Variants in LPO observed in about 807,000 individuals in gnomAD.
The protein encoded by LPO is lactoperoxidase, also known as salivary peroxidase.
A neutral mutation model predicts 68.4 loss-of-function variants in LPO; 70 were observed. That is an observed-to-expected ratio of 1.02 (90% confidence interval 0.84 to 1.25). LPO has a LOEUF of 1.25. LPO is among the 50% of genes most tolerant of loss of function. The pLI, the probability that LPO is intolerant of heterozygous loss-of-function variation, is 0.00. For synonymous variants in LPO, 360 were observed against 357.6 expected, an observed-to-expected ratio of 1.01 and a Z score of -0.08; for missense variants, 873 against 908.4, an observed-to-expected ratio of 0.96 and a Z score of 0.50.
chr17:58,268,439 G>A lies in LPO; in HGVS notation c.*445G>A, dbSNP rs1970318790. 1 of 171,640 alleles carries A rather than the reference G, an allele frequency of 5.8e-6. No homozygotes were observed. The highest frequency in any genetic ancestry group is 1.2e-5 in the Non-Finnish European group (1 of 80,152). The allele number at this position is 171,640 out of a possible 1,614,324, so 10.6% of individuals were successfully genotyped here. A position where few individuals can be genotyped will look rare whatever the true frequency, so the allele number is the denominator to read the frequency against. Reference sequence around the variant, plus strand: ...CAAAAACATCTGATGACTGACTAAAGATGCTAGGCGTGACACCGTTCCCTC... The same window carrying A: ...CAAAAACATCTGATGACTGACTAAAAATGCTAGGCGTGACACCGTTCCCTC... On this transcript the variant is annotated 3_prime_UTR_variant, in exon 13 of 13. Transcript: ENST00000262290.
rs1324525925 is a variant in LPO at position 58,266,216 on chromosome 17, A to G, written c.1583A>G (p.Lys528Arg). Reference sequence around the variant, plus strand: ...AAATCCAAGCTGATGAAACAGAATAAAATGATGACTGGAGAGCTGCGCAAC... The same window carrying G: ...AAATCCAAGCTGATGAAACAGAATAGAATGATGACTGGAGAGCTGCGCAAC... ...AKKSKLMKQN[K>R]MMTGELRNKL... Residue 528 changes from lysine to arginine, a missense_variant, in exon 11 of 13, where the codon AAA becomes AGA. Physicochemically the swap from Lys to Arg is conservative, Grantham distance 26. Coordinates refer to ENST00000262290, the MANE Select transcript of LPO (RefSeq NM_006151.3). The G allele has an allele frequency of 6.2e-7, 1 of 1,614,148 alleles. No homozygotes were observed. The highest frequency in any genetic ancestry group is 2.2e-5 in the East Asian group (1 of 44,870).
At chr17:58,242,788 T>C in intron 1 of LPO, 190 bp from the exon 2 acceptor site, 1 of 536,866 alleles carries the variant, frequency 1.9e-6, no homozygotes, top group Non-Finnish European at 3.3e-6. Context: ...TTCTCCTCTT[T>C]CCATCTCTCC....
chr17:58,243,315 T>G (rs1202819950), intron 2 of LPO: 1 of 445,920 alleles, frequency 2.2e-6, no homozygotes, highest in Non-Finnish European at 4.1e-6. Context: ...AGTCTTTGCG[T>G]GGCCTTTTTC....
intron 2 of LPO, 93 bp from the exon 3 acceptor site, chr17:58,243,901 G>A: frequency 1.2e-6 from 1 of 804,002 alleles, no homozygotes; most frequent in Non-Finnish European, 2.2e-6. Context: ...AGGGGTGGGG[G>A]TAATGGCCGA....
At chr17:58,255,935 C>T (rs1970062177) in intron 9 of LPO, among the ~76,000 whole-genome samples, 1 of 152,156 alleles carries the variant, frequency 6.6e-6, no homozygotes, top group Non-Finnish European at 1.5e-5. Flanking sequence ...GCTTCAAGTA[C>T]TACCACAATA....
rs746893375 is a variant in LPO at position 58,249,148 on chromosome 17, C to T, written c.414C>T (p.Tyr138=). ...TGAGATGCGACCCGTGCAGCCCTTACCGCACCATTACGGGAGACTGCAATA... is the reference window on the plus strand; with the variant it reads ...TGAGATGCGACCCGTGCAGCCCTTATCGCACCATTACGGGAGACTGCAATA... ...PVVRCDPCSP[Y]RTITGDCNNR... Residue 138 remains tyrosine, a synonymous_variant, in exon 5 of 13, where the codon TAC becomes TAT. Transcript: ENST00000262290. The T allele has an allele frequency of 3.7e-6, 6 of 1,614,112 alleles. No homozygotes were observed. The African/African-American group carries it at 8.0e-5, about 22-fold the overall frequency.
intron 11 of LPO, 108 bp downstream of exon 11, chr17:58,266,434 G>A: frequency 1.6e-6 from 2 of 1,286,502 alleles, no homozygotes; most frequent in African/African-American, 1.5e-5. Flanking sequence ...GATCAATTCT[G>A]AAACAAAAGT....
intron 7 of LPO, chr17:58,250,842 G>C (rs975436126): frequency 1.6e-5 from 9 of 571,370 alleles, no homozygotes; most frequent in Non-Finnish European, 2.5e-5. Flanking sequence ...ATTCCAAAGT[G>C]AACAGGACAC....
chr17:58,265,264 T>A (rs1970241829), intron 10 of LPO, among the ~76,000 whole-genome samples: 1 of 152,192 alleles, frequency 6.6e-6, no homozygotes, highest in Non-Finnish European at 1.5e-5. Context: ...TCCTCTTGGC[T>A]TCTAAGATGA....
intron 9 of LPO, among the ~76,000 whole-genome samples, chr17:58,260,386 G>A (rs946272934): frequency 6.6e-6 from 1 of 152,028 alleles, no homozygotes; most frequent in African/African-American, 2.4e-5. Context: ...TTATTACGTG[G>A]CAATTCCTGG....
intron 9 of LPO, among the ~76,000 whole-genome samples, chr17:58,261,467 A>G (rs574774122): frequency 6.6e-6 from 1 of 151,884 alleles, no homozygotes; most frequent in African/African-American, 2.4e-5. Flanking sequence ...GATCTTTCTT[A>G]TTCCATCAAT....
chr17:58,258,353 G>A lies in LPO; in HGVS notation c.1266+3382G>A, dbSNP rs1018640716. 7.2e-5 allele frequency among the ~76,000 whole-genome samples: 11 copies of A among 152,176 alleles called. No homozygotes were observed. In the East Asian group the frequency reaches 1.2e-3, roughly 16 times the overall value. ...AGATAGGGGTCTAGTTTTATTCTCC[G>A]GCATATGGATATCCAGTTTTCCCAG... On this transcript the variant is annotated intron_variant, in intron 9 of 12. Transcript: ENST00000262290.
Position 58,242,961 on chromosome 17 carries a change from C to T in LPO, c.-2-17C>T. ...TCTCTAGAGAGGCTCACAGTGTGAT[C>T]CTGCATCTCGTTTCAGTGATGAGGG... On this transcript the variant is annotated splice_polypyrimidine_tract_variant and intron_variant, in intron 1 of 12. Coordinates refer to ENST00000262290, the MANE Select transcript of LPO (RefSeq NM_006151.3). 2 of 1,612,368 alleles carry T rather than the reference C, an allele frequency of 1.2e-6. No homozygotes were observed. The highest frequency in any genetic ancestry group is 1.1e-5 in the South Asian group (1 of 91,028).
At chr17:58,242,916 G>T (rs1448082799) in intron 1 of LPO, 62 bp from the exon 2 acceptor site, 2 of 1,458,866 alleles carry the variant, frequency 1.4e-6, no homozygotes, top group South Asian at 2.3e-5. Flanking sequence ...GCTTTCTGTG[G>T]TTCAAACCCT....
At chr17:58,258,461 G>C (rs1970112314) in intron 9 of LPO, among the ~76,000 whole-genome samples, 1 of 152,172 alleles carries the variant, frequency 6.6e-6, no homozygotes, top group South Asian at 2.1e-4. Context: ...TAGATGTGTG[G>C]ATTTGTTTCT....
intron 1 of LPO, among the ~76,000 whole-genome samples, chr17:58,241,823 C>T (rs1030101411): frequency 6.6e-6 from 1 of 152,170 alleles, no homozygotes; most frequent in African/African-American, 2.4e-5. Context: ...GCTGAAATGA[C>T]CTGATCCATA....
In LPO at chr17:58,243,998, G is replaced by T. The variant is rs1408694899; in HGVS notation, c.81G>T (p.Gln27His). 6.2e-7 allele frequency: 1 copy of T among 1,613,232 alleles called. No individual in the cohort carries two copies. The highest frequency in any genetic ancestry group is 2.2e-5 in the East Asian group (1 of 44,836). The change falls in exon 3 of 13, where the codon CAG becomes CAT. Residue 27 changes from glutamine to histidine, a missense_variant. Gln to His is a conservative substitution (Grantham distance 24). Transcript: ENST00000262290. ...GCTCCCCACTCCAACCCCAAGCGCA[G>T]ACTACCAGAACCTCTGCCATCTCCG... ...LQAAASTTRA[Q>H]TTRTSAISDT...
intron 9 of LPO, among the ~76,000 whole-genome samples, chr17:58,255,745 C>T (rs1970058531): frequency 6.6e-6 from 1 of 152,170 alleles, no homozygotes; most frequent in Non-Finnish European, 1.5e-5. Flanking sequence ...CTCACCCAGT[C>T]TCCTCCTTAC....
At chr17:58,241,474 CTGTT>C (rs1969758079) in intron 1 of LPO, among the ~76,000 whole-genome samples, 1 of 152,144 alleles carries the variant, frequency 6.6e-6, no homozygotes, top group African/African-American at 2.4e-5. Context: ...ACCATCATCT[CTGTT>C]TGTCTGAAGG....
Sources: allele counts gnomAD v4.1 joint callset (sites outside exome capture counted in the v4.1 genomes callset), GRCh38; gene constraint gnomAD v4.1.1; transcripts MANE v1.5; gene names NCBI Gene and HGNC (gene_info 2026-07-23, HGNC 2026-07-21).